Variants in RGPD3 observed in about 807,000 individuals in gnomAD.
The protein encoded by RGPD3 is RANBP2 like and GRIP domain containing 3.
RGPD3 carries 62 observed loss-of-function variants against 154.5 expected under a neutral mutation model. The ratio of observed to expected loss-of-function variants is 0.40; its 90% CI spans 0.33 to 0.50. The LOEUF (loss-of-function observed/expected upper bound fraction) is 0.50, where lower values mean the gene tolerates loss of function less well. RGPD3 is among the 20% of genes least tolerant of loss of function. The pLI is 0.59. For missense variants in RGPD3, 919 were observed against 1,716.8 expected (o/e 0.54, Z 8.21); for synonymous variants, 308 against 607.0 (o/e 0.51, Z 7.24).
At chr2:106,436,349 G>A (rs1014807477) in intron 11 of RGPD3, 65 bp downstream of exon 11, 30 of 1,610,272 alleles carry the variant, frequency 1.9e-5, no homozygotes, top group Middle Eastern at 2.3e-4. Context: ...ATCTTCACAC[G>A]AGGATTAAAT....
chr2:106,463,553 A>T lies in RGPD3; in HGVS notation c.73-4221T>A, dbSNP rs572478733. Among the ~76,000 whole-genome samples the T allele has an allele frequency of 2.5e-3, 377 of 152,068 alleles. 2 individuals are homozygous for T. The highest frequency in any genetic ancestry group is 8.9e-3 in the African/African-American group (368 of 41,564). Reference sequence around the variant, plus strand: ...GACTATGCTACACCAAAACAAAGAAAGTAAATGAAGATGACATGAGATACA... The same window carrying T: ...GACTATGCTACACCAAAACAAAGAATGTAAATGAAGATGACATGAGATACA... On this transcript the variant is annotated intron_variant, in intron 1 of 22. Transcript: ENST00000409886.
intron 16 of RGPD3, 30 bp from the exon 17 acceptor site, chr2:106,433,048 C>G: frequency 6.2e-7 from 1 of 1,610,574 alleles, no homozygotes; most frequent in Non-Finnish European, 8.5e-7. Flanking sequence ...AACAAAAGAG[C>G]ATTTAAAACA....
chr2:106,463,590 G>T (rs952323174), intron 1 of RGPD3, among the ~76,000 whole-genome samples: 8 of 151,818 alleles, frequency 5.3e-5, no homozygotes, highest in Admixed American at 1.3e-4. Flanking sequence ...GAAACAAAGG[G>T]TCTAACTCAG....
rs1294106512 is a variant in RGPD3 at position 106,467,083 on chromosome 2, C to T, written c.72+1134G>A. On this transcript the variant is annotated intron_variant, in intron 1 of 22. Transcript: ENST00000409886. ...TCGGGAGCCATGACGCCTGAGCCAT[C>T]GAGGCCGCCGCAGGGCCAGGTCGAG... Among the ~76,000 whole-genome samples, 109 of 117,542 alleles carry T rather than the reference C, an allele frequency of 9.3e-4. 2 individuals are homozygous for T. In the Middle Eastern group the frequency reaches 0.016, roughly 18 times the overall value. The allele number at this position is 117,542 out of a possible 152,430, so 77.1% of individuals were successfully genotyped here. A position where few individuals can be genotyped will look rare whatever the true frequency, so the allele number is the denominator to read the frequency against.
intron 7 of RGPD3, among the ~76,000 whole-genome samples, chr2:106,446,873 T>G (rs1677955338): frequency 6.6e-6 from 1 of 151,306 alleles, no homozygotes; most frequent in Non-Finnish European, 1.5e-5. Context: ...AGAGAGAGAC[T>G]TGGTCTCAAA....
intron 22 of RGPD3, among the ~76,000 whole-genome samples, chr2:106,411,548 G>C (rs1384694666): frequency 6.6e-6 from 1 of 150,674 alleles, no homozygotes; most frequent in East Asian, 1.9e-4. Context: ...CAACAAAATG[G>C]CCGGGCGTGG....
At chr2:106,416,056 A>T in intron 20 of RGPD3, 67 bp from the exon 21 acceptor site, 2 of 1,571,788 alleles carry the variant, frequency 1.3e-6, no homozygotes, top group Non-Finnish European at 1.7e-6. Flanking sequence ...TCTAAATAAG[A>T]AAAATCTAAA....
intron 8 of RGPD3, among the ~76,000 whole-genome samples, chr2:106,439,922 T>A (rs1386199947): frequency 7.9e-6 from 1 of 126,616 alleles, no homozygotes; most frequent in African/African-American, 2.8e-5. Context: ...TTTTATGCCA[T>A]AGGTTTACAG....
chr2:106,424,951 A>G lies in RGPD3; in HGVS notation c.3016T>C (p.Ser1006Pro), dbSNP rs1438425952. 6.2e-7 allele frequency: 1 copy of G among 1,611,866 alleles called. No individual in the cohort carries two copies. The highest frequency in any genetic ancestry group is 1.1e-5 in the South Asian group (1 of 90,982). Residue 1006 changes from serine to proline, a missense_variant, in exon 20 of 23, where the codon TCA becomes CCA. Coordinates refer to ENST00000409886, the MANE Select transcript of RGPD3 (RefSeq NM_001144013.2). ...FSGAGEKLFS[S>P]QYGKMANKAN... is the part of the protein sequence containing the mutation. ...TTATTGGCCATTTTACCGTATTGTGATGAGAATAATTTTTCTCCAGCACCT... is the reference window on the plus strand; with the variant it reads ...TTATTGGCCATTTTACCGTATTGTGGTGAGAATAATTTTTCTCCAGCACCT...
intron 1 of RGPD3, among the ~76,000 whole-genome samples, chr2:106,463,185 C>T (rs1416015623): frequency 2.6e-4 from 39 of 148,068 alleles, no homozygotes; most frequent in Admixed American, 5.5e-4. Context: ...TTCAAAATTG[C>T]GAAAAAAATT....
chr2:106,462,736 A>T (rs1678441971), intron 1 of RGPD3, among the ~76,000 whole-genome samples: 1 of 152,030 alleles, frequency 6.6e-6, no homozygotes. Context: ...CATCTTGCAC[A>T]GTCAAATGAA....
chr2:106,463,301 C>G (rs1478867921), intron 1 of RGPD3, among the ~76,000 whole-genome samples: 12 of 152,120 alleles, frequency 7.9e-5, no homozygotes, highest in African/African-American at 2.9e-4. Context: ...ATGGTGAAAT[C>G]CCATCTCTAC....
chr2:106,437,515 AAAAAGAAAAG>A (rs777570021), intron 9 of RGPD3, among the ~76,000 whole-genome samples: 4 of 152,138 alleles, frequency 2.6e-5, no homozygotes, highest in South Asian at 2.1e-4. Context: ...CTGTCTCAAA[AAAAAGAAAAG>A]AAAAGAAAAG....
chr2:106,467,623 C>A (rs778206405), intron 1 of RGPD3, among the ~76,000 whole-genome samples: 3 of 143,360 alleles, frequency 2.1e-5, no homozygotes, highest in Non-Finnish European at 4.6e-5. Context: ...CGGGCCGGGT[C>A]GAGGCAGCCG....
At position 106,424,545 on chromosome 2, in the gene RGPD3, T is replaced by A. The variant is rs761000929; in HGVS notation, c.3422A>T (p.Asp1141Val). Reference sequence around the variant, plus strand: ...TGCTGCCAATCGCTCTAGTTTGGCATCACCATCAGAGAAATCACTGGCTGA... The same window carrying A: ...TGCTGCCAATCGCTCTAGTTTGGCAACACCATCAGAGAAATCACTGGCTGA... ...MWSASDFSDG[D>V]AKLERLAAKF... Residue 1141 changes from aspartate to valine, a missense_variant, in exon 20 of 23, where the codon GAT becomes GTT. Physicochemically the swap from Asp to Val is radical, Grantham distance 152. Coordinates refer to ENST00000409886, the MANE Select transcript of RGPD3 (RefSeq NM_001144013.2). The A allele has an allele frequency of 8.7e-6, 14 of 1,609,208 alleles. No homozygotes were observed. The highest frequency in any genetic ancestry group is 1.2e-5 in the Non-Finnish European group (14 of 1,179,590).
chr2:106,467,886 GC>G (rs759342958), intron 1 of RGPD3, among the ~76,000 whole-genome samples: 3,665 of 129,912 alleles, frequency 0.028, 6 homozygotes, highest in Admixed American at 0.051. Context: ...CCGCCGCAGG[GC>G]CAGGTCGAGG....
rs764145477 is a variant in RGPD3, at chr2:106,441,276, T to C, written c.1066+17A>G. 2.1e-6 allele frequency: 3 copies of C among 1,432,126 alleles called. No homozygotes were observed. In the Admixed American group the frequency reaches 6.5e-5, roughly 31 times the overall value. 88.7% of individuals were successfully genotyped at this position (1,432,126 alleles called of 1,614,324 possible). Reference sequence around the variant, plus strand: ...CCTTTTTCTTTTTAAATTAAATTAGTTTAATATTACTATTACCTGATTGGC... The same window carrying C: ...CCTTTTTCTTTTTAAATTAAATTAGCTTAATATTACTATTACCTGATTGGC... On this transcript the variant is annotated intron_variant, in intron 8 of 22. Coordinates refer to ENST00000409886, the MANE Select transcript of RGPD3 (RefSeq NM_001144013.2).
intron 7 of RGPD3, among the ~76,000 whole-genome samples, chr2:106,441,711 CAAAG>C (rs1223318507): frequency 1.3e-5 from 2 of 148,406 alleles, no homozygotes; most frequent in Admixed American, 6.7e-5. Flanking sequence ...AAAAAAAAAA[CAAAG>C]AGCCAGGCGT....
intron 6 of RGPD3, among the ~76,000 whole-genome samples, chr2:106,449,934 G>A (rs371740746): frequency 0.052 from 7,891 of 151,100 alleles, 170 homozygotes; most frequent in East Asian, 0.17. Flanking sequence ...GGAGAATGGC[G>A]TGAACCCTGG....
Sources: allele counts gnomAD v4.1 joint callset (sites outside exome capture counted in the v4.1 genomes callset), GRCh38; gene constraint gnomAD v4.1.1; transcripts MANE v1.5; gene names NCBI Gene and HGNC (gene_info 2026-07-23, HGNC 2026-07-21).